DSCC1: variants seen among roughly 807,000 people sequenced by gnomAD.
DSCC1 encodes DNA replication and sister chromatid cohesion 1.
Under a neutral mutation model 48.2 loss-of-function variants are expected in DSCC1, and 32 were observed. The observed-to-expected ratio is 0.66, with a 90% CI of 0.50 to 0.89. The LOEUF (loss-of-function observed/expected upper bound fraction) is 0.89. Among genes scored for constraint, DSCC1 ranks in the 40% least tolerant of loss-of-function variants. DSCC1 has a pLI of 0.00. For synonymous variants in DSCC1, 150 were observed against 171.5 expected (o/e 0.87, Z 0.98); for missense variants, 421 against 471.7 (o/e 0.89, Z 1.00).
chr8:119,854,595 C>G (rs1826989195), intron 1 of DSCC1, among the ~76,000 whole-genome samples: 1 of 152,182 alleles, frequency 6.6e-6, no homozygotes, highest in South Asian at 2.1e-4. Flanking sequence ...ACCATCACTC[C>G]CTACACCCCA....
chr8:119,841,458 G>A (rs1416118125), intron 7 of DSCC1, among the ~76,000 whole-genome samples: 1 of 152,110 alleles, frequency 6.6e-6, no homozygotes, highest in East Asian at 1.9e-4. Context: ...GTGAGAAACG[G>A]AACAAAATGA....
intron 6 of DSCC1, among the ~76,000 whole-genome samples, 158 bp from the exon 7 acceptor site, chr8:119,842,106 C>T (rs1826780749): frequency 6.6e-6 from 1 of 151,940 alleles, no homozygotes; most frequent in Non-Finnish European, 1.5e-5. Flanking sequence ...CAGAGTCTCG[C>T]TCTGTCACCC....
At chr8:119,837,764 C>T (rs1285063828) in intron 8 of DSCC1, among the ~76,000 whole-genome samples, 2 of 152,102 alleles carry the variant, frequency 1.3e-5, no homozygotes, top group Non-Finnish European at 2.9e-5. Flanking sequence ...CCACAGGATT[C>T]GAGCTGGGTA....
rs757950097 is a variant in DSCC1, at chr8:119,855,806, G to A, written c.-11C>T. ...GCGGGTCCTCTTCATCGCAGCGCCG[G>A]GTCTAGGAGTCCCGCCGCGCCCGGG... On this transcript the variant is annotated 5_prime_UTR_variant, in exon 1 of 9. Coordinates refer to ENST00000313655, the MANE Select transcript of DSCC1 (RefSeq NM_024094.3). The A allele has an allele frequency of 3.4e-6, 5 of 1,463,916 alleles. No individual in the cohort carries two copies. In the South Asian group the frequency reaches 5.7e-5, roughly 17 times the overall value. The allele number at this position is 1,463,916 out of a possible 1,614,324, so 90.7% of individuals were successfully genotyped here.
chr8:119,836,566 G>T (rs1240001193), intron 8 of DSCC1, among the ~76,000 whole-genome samples: 3 of 152,084 alleles, frequency 2.0e-5, no homozygotes, highest in Middle Eastern at 3.2e-3. Context: ...TAAGTAACTG[G>T]ATTAGTAGTG....
At chr8:119,848,950 C>A (rs13255707) in intron 3 of DSCC1, among the ~76,000 whole-genome samples, 3 of 151,366 alleles carry the variant, frequency 2.0e-5, no homozygotes, top group African/African-American at 7.3e-5. Flanking sequence ...TTTGGGAGGC[C>A]GAGGCGGGTG....
At chr8:119,855,587 T>C in intron 1 of DSCC1, 27 bp downstream of exon 1, 1 of 1,529,736 alleles carries the variant, frequency 6.5e-7, no homozygotes. Context: ...GGCCAGAGGC[T>C]GGGGGCGCCG....
At position 119,841,863 on chromosome 8, in the gene DSCC1, G is replaced by A. The variant is rs770482055; in HGVS notation, c.855C>T (p.Leu285=). ...GCTGCCACACTTCTTGAAACTCAGC[G>A]AGATTGAATTTCACCGCATTCTGAA... ...MLLQNAVKFN[L]AEFQEVWQQS... Residue 285 remains leucine (L), a synonymous_variant, in exon 7 of 9, where the codon CTC becomes CTT. Transcript: ENST00000313655. 2.8e-5 allele frequency: 45 copies of A among 1,613,952 alleles called. 1 individual carries two copies. The highest frequency in any genetic ancestry group is 3.3e-5 in the Admixed American group (2 of 60,002).
chr8:119,848,687 T>C (rs1164859451), intron 3 of DSCC1, among the ~76,000 whole-genome samples: 1 of 152,228 alleles, frequency 6.6e-6, no homozygotes, highest in Non-Finnish European at 1.5e-5. Context: ...GAAGCATTAT[T>C]CTTAATATCC....
At chr8:119,849,201 A>G (rs1417219034) in intron 3 of DSCC1, among the ~76,000 whole-genome samples, 1 of 148,124 alleles carries the variant, frequency 6.8e-6, no homozygotes, top group African/African-American at 2.5e-5. Flanking sequence ...AAAAAAAAAA[A>G]AAAAAGACTA....
intron 2 of DSCC1, among the ~76,000 whole-genome samples, chr8:119,851,708 C>T (rs1043041668): frequency 3.3e-5 from 5 of 152,130 alleles, no homozygotes; most frequent in African/African-American, 1.2e-4. Context: ...GCTGTAGACC[C>T]AACCACTCCG....
intron 4 of DSCC1, among the ~76,000 whole-genome samples, chr8:119,845,216 G>A (rs1826838783): frequency 6.6e-6 from 1 of 152,042 alleles, no homozygotes; most frequent in Admixed American, 6.6e-5. Flanking sequence ...CTCCTGAGTA[G>A]CTGGGACTAT....
chr8:119,841,320 G>C (rs1307787866), intron 7 of DSCC1, among the ~76,000 whole-genome samples: 1 of 152,168 alleles, frequency 6.6e-6, no homozygotes, highest in African/African-American at 2.4e-5. Flanking sequence ...GATCATTCTA[G>C]TAGCGTCACA....
chr8:119,853,153 T>A lies in DSCC1; in HGVS notation c.245A>T (p.Asp82Val), dbSNP rs1826965576. 1 of 1,614,078 alleles carries A rather than the reference T, an allele frequency of 6.2e-7. No homozygotes were observed. Among genetic ancestry groups the A allele is most frequent in the African/African-American group, 1.3e-5 (1 of 75,032 alleles). ...AVLCSKDKTY[D>V]LKIADTSNML... ...ATTGGAAGTGTCTGCTATCTTCAAG[T>A]CGTATGTTTTGTCTTTACTGCACAG... Residue 82 changes from aspartate to valine, a missense_variant, in exon 2 of 9, where the codon GAC becomes GTC. Asp to Val is a radical substitution (Grantham distance 152). Around this residue, in one of 3 missense-constraint regions of DSCC1, gnomAD observed 174 missense variants for 184.5 expected, o/e 0.94. Coordinates refer to ENST00000313655, the MANE Select transcript of DSCC1 (RefSeq NM_024094.3).
chr8:119,852,260 A>G (rs1240818882), intron 2 of DSCC1, among the ~76,000 whole-genome samples: 2 of 152,244 alleles, frequency 1.3e-5, no homozygotes, highest in African/African-American at 2.4e-5. Flanking sequence ...AATATTCTCC[A>G]AAATAATTAA....
intron 7 of DSCC1, among the ~76,000 whole-genome samples, chr8:119,841,044 T>G (rs1220710648): frequency 1.3e-5 from 2 of 151,968 alleles, no homozygotes. Context: ...CAGGCTGGAC[T>G]GCACTGGCAT....
chr8:119,840,993 T>C (rs1826759786), intron 7 of DSCC1, among the ~76,000 whole-genome samples: 1 of 151,640 alleles, frequency 6.6e-6, no homozygotes, highest in Non-Finnish European at 1.5e-5. Flanking sequence ...TTATTTATTA[T>C]TATTATTATT....
chr8:119,837,349 A>G lies in DSCC1; in HGVS notation c.1073+910T>C, dbSNP rs572069659. Among the ~76,000 whole-genome samples, 21 of 152,302 alleles carry G rather than the reference A, an allele frequency of 1.4e-4. No individual in the cohort carries two copies. In the East Asian group the frequency reaches 3.5e-3, roughly 25 times the overall value. On this transcript the variant is annotated intron_variant, in intron 8 of 8. Transcript: ENST00000313655. ...AATTCATACACTACACAGGACTGCA[A>G]AGGAAGTAGGTGTACACATGAGGAG...
chr8:119,855,467 G>A (rs780541840), intron 1 of DSCC1, 147 bp downstream of exon 1: 6 of 1,126,738 alleles, frequency 5.3e-6, no homozygotes, highest in Non-Finnish European at 7.2e-6. Flanking sequence ...CACCGGAGGC[G>A]TGGACTCCTC....
Sources: allele counts gnomAD v4.1 joint callset (sites outside exome capture counted in the v4.1 genomes callset), GRCh38; gene constraint gnomAD v4.1.1; regional missense constraint gnomAD v4.1.1; transcripts MANE v1.5; gene names NCBI Gene and HGNC (gene_info 2026-07-23, HGNC 2026-07-21).